Variants in TEX2 observed in about 807,000 individuals in gnomAD.
TEX2 encodes testis expressed 2, also known as testis-expressed protein 2.
In TEX2, 53 loss-of-function variants were observed where a neutral mutation model predicts 106.9. That is an observed-to-expected ratio of 0.50 (90% confidence interval 0.40 to 0.62). The LOEUF is 0.62. Among genes scored for constraint, TEX2 ranks in the 20% least tolerant of loss-of-function variants. The pLI is 0.00. For synonymous variants in TEX2, 523 were observed against 534.8 expected (o/e 0.98, Z 0.30); for missense variants, 1,207 against 1,379.0 (o/e 0.88, Z 1.98).
At chr17:64,202,084 A>C (rs983639940) in intron 2 of TEX2, among the ~76,000 whole-genome samples, 1 of 132,356 alleles carries the variant, frequency 7.6e-6, no homozygotes, top group Non-Finnish European at 1.7e-5. Flanking sequence ...AAAAAAGAAA[A>C]ACCAAGGTAA....
intron 1 of TEX2, among the ~76,000 whole-genome samples, chr17:64,255,504 T>A (rs1455382172): frequency 6.6e-6 from 1 of 152,240 alleles, no homozygotes; most frequent in Non-Finnish European, 1.5e-5. Flanking sequence ...TTGATAATTA[T>A]CAAAATTGAG....
chr17:64,179,464 C>G (rs1023975349), intron 5 of TEX2, among the ~76,000 whole-genome samples: 1 of 152,198 alleles, frequency 6.6e-6, no homozygotes, highest in Non-Finnish European at 1.5e-5. Flanking sequence ...AGTGTGGAAG[C>G]TTTGTACTTT....
rs139456885 is a variant in TEX2 at position 64,185,537 on chromosome 17, C to G, written c.2424+2631G>C. ...TTTGGAAAACTAGGCCCTTGCCCCC[C>G]AAAATAGTGATATTTTCTAATTCAA... On this transcript the variant is annotated intron_variant, in intron 5 of 11. Transcript: ENST00000584379. This position sits in a 1 kb window ranked among gnomAD's most constrained non-coding sequence, Gnocchi z 4.0. Among the ~76,000 whole-genome samples the G allele has an allele frequency of 6.6e-6, 1 of 152,230 alleles. No homozygotes were observed. The highest frequency in any genetic ancestry group is 6.5e-5 in the Admixed American group (1 of 15,290).
At chr17:64,227,091 C>T (rs1598205484) in intron 1 of TEX2, among the ~76,000 whole-genome samples, 2 of 151,788 alleles carry the variant, frequency 1.3e-5, no homozygotes, top group East Asian at 1.9e-4. Context: ...CTGGGCGTGG[C>T]GGTGCGCGCC....
At chr17:64,175,415 G>C (rs779355109) in intron 6 of TEX2, among the ~76,000 whole-genome samples, 20 of 152,198 alleles carry the variant, frequency 1.3e-4, no homozygotes, top group African/African-American at 4.3e-4. Context: ...GGAAGTTTAA[G>C]TCTGTGAACT....
intron 1 of TEX2, among the ~76,000 whole-genome samples, chr17:64,258,622 C>A (rs1178820664): frequency 6.6e-6 from 1 of 152,212 alleles, no homozygotes; most frequent in African/African-American, 2.4e-5. Context: ...ACACCTGAGA[C>A]TTCAAAAGTC....
Position 64,226,578 on chromosome 17 carries a change from G to A in TEX2, c.-25-12336C>T, listed in dbSNP as rs117281279. 7.3e-3 allele frequency among the ~76,000 whole-genome samples: 1,110 copies of A among 152,204 alleles called. 10 individuals are homozygous for A. Among genetic ancestry groups the A allele is most frequent in the Middle Eastern group, 0.034 (10 of 294 alleles). On this transcript the variant is annotated intron_variant, in intron 1 of 11. Coordinates refer to ENST00000584379, the MANE Select transcript of TEX2 (RefSeq NM_001288732.2). ...AAATTTAGGAAGGCATCTTCAATAG[G>A]TATCTCCCAAGTACATGAACAGGCA...
At chr17:64,164,103 T>C (rs1364167303) in intron 7 of TEX2, among the ~76,000 whole-genome samples, 1 of 152,110 alleles carries the variant, frequency 6.6e-6, no homozygotes, top group Admixed American at 6.6e-5. Flanking sequence ...GGTTGTCCAG[T>C]GGTAACCAGT....
intron 5 of TEX2, among the ~76,000 whole-genome samples, chr17:64,182,641 C>T (rs2031923462): frequency 6.6e-6 from 1 of 152,084 alleles, no homozygotes; most frequent in Non-Finnish European, 1.5e-5. Flanking sequence ...CCTCCCCATC[C>T]CCCTGCCCAC....
intron 1 of TEX2, among the ~76,000 whole-genome samples, chr17:64,237,758 A>G (rs1232263477): frequency 6.6e-6 from 1 of 152,164 alleles, no homozygotes; most frequent in Non-Finnish European, 1.5e-5. Context: ...GTTTCTGGGA[A>G]CATGGTAGGT....
At position 64,148,380 on chromosome 17, in the gene TEX2, C is replaced by T. The variant is rs1303065603; in HGVS notation, c.*589G>A. 2.0e-5 allele frequency: 3 copies of T among 152,790 alleles called. No homozygotes were observed. The highest frequency in any genetic ancestry group is 4.4e-5 in the Non-Finnish European group (3 of 68,230). 9.5% of individuals were successfully genotyped at this position (152,790 alleles called of 1,614,324 possible). On this transcript the variant is annotated 3_prime_UTR_variant, in exon 12 of 12. Coordinates refer to ENST00000584379, the MANE Select transcript of TEX2 (RefSeq NM_001288732.2). ...CCACTGTCCTTACCCAAGCTGATAG[C>T]GTGTTGTGTGTGTACTATGGCTACT... is the stretch of plus-strand genomic sequence containing the variant.
chr17:64,259,904 A>G (rs7217320), intron 1 of TEX2, among the ~76,000 whole-genome samples: 1,968 of 152,324 alleles, frequency 0.013, 42 homozygotes, highest in African/African-American at 0.045. Flanking sequence ...ACATTACAAG[A>G]TGCTTTTTTT....
intron 1 of TEX2, among the ~76,000 whole-genome samples, chr17:64,239,875 CAAAAAAAAAAAAAA>C (rs61705973): frequency 1.3e-4 from 4 of 29,634 alleles, no homozygotes; most frequent in East Asian, 2.5e-3. Context: ...GACTCTGTCT[CAAAAAAAAAAAAAA>C]AAAAAAAAAA....
At chr17:64,250,633 G>C (rs1246804468) in intron 1 of TEX2, among the ~76,000 whole-genome samples, 3 of 152,116 alleles carry the variant, frequency 2.0e-5, no homozygotes, top group African/African-American at 7.2e-5. Flanking sequence ...CTGTTGTCTC[G>C]GTCTGGCAGG....
At chr17:64,194,215 A>G (rs2032391451) in intron 3 of TEX2, among the ~76,000 whole-genome samples, 1 of 152,184 alleles carries the variant, frequency 6.6e-6, no homozygotes, top group African/African-American at 2.4e-5. Flanking sequence ...GAATTTAATG[A>G]CCTTGGACCA....
chr17:64,209,610 A>G (rs192678548), intron 2 of TEX2, among the ~76,000 whole-genome samples: 148 of 152,360 alleles, frequency 9.7e-4, no homozygotes, highest in African/African-American at 3.5e-3. Flanking sequence ...GGAAAATTCA[A>G]ATACGTTTAT....
At chr17:64,168,132 C>T (rs1012283186) in intron 7 of TEX2, among the ~76,000 whole-genome samples, 3 of 152,156 alleles carry the variant, frequency 2.0e-5, no homozygotes, top group Non-Finnish European at 4.4e-5. Flanking sequence ...GTCGCATTTC[C>T]CTGGAAGGTG....
At chr17:64,174,140 C>T (rs1361661684) in intron 6 of TEX2, among the ~76,000 whole-genome samples, 1 of 152,208 alleles carries the variant, frequency 6.6e-6, no homozygotes, top group Admixed American at 6.5e-5. Flanking sequence ...CCACCATGCC[C>T]AGACATCCAA....
At chr17:64,162,979 C>G (rs1031531619) in intron 7 of TEX2, among the ~76,000 whole-genome samples, 7 of 152,286 alleles carry the variant, frequency 4.6e-5, no homozygotes, top group African/African-American at 1.7e-4. Flanking sequence ...AGCCTGATAT[C>G]TGAGGATGAG....
Sources: gnomAD v4.1 joint callset for allele counts (sites outside exome capture counted in the v4.1 genomes callset) on GRCh38, gnomAD v4.1.1 for gene constraint, Gnocchi (gnomAD v3.1) non-coding constraint, MANE v1.5 for transcripts, NCBI Gene and HGNC (gene_info 2026-07-23, HGNC 2026-07-21) for gene names.